Variants in SMARCA1 observed in about 807,000 individuals in gnomAD.
SMARCA1 encodes the protein SNF2 related chromatin remodeling ATPase 1.
In SMARCA1, 17 loss-of-function variants were observed where a neutral mutation model predicts 93.6. The observed-to-expected ratio is 0.18, with a 90% CI of 0.12 to 0.27. SMARCA1 has a LOEUF of 0.27. SMARCA1 is among the 10% of genes least tolerant of loss of function. The pLI, the probability that SMARCA1 is intolerant of heterozygous loss-of-function variation, is 1.00. For synonymous variants in SMARCA1, 271 were observed against 271.4 expected (o/e 1.00, Z 0.01); for missense variants, 630 against 819.0 (o/e 0.77, Z 2.82).
intron 19 of SMARCA1, among the ~76,000 whole-genome samples, chrX:129,471,893 C>G (rs775733721): frequency 3.6e-5 from 4 of 112,021 alleles, no homozygotes; most frequent in Non-Finnish European, 7.5e-5. Context: ...TAGTAGAGCA[C>G]ACAAATAGCT....
chrX:129,481,278 G>A, intron 17 of SMARCA1, 93 bp from the exon 18 acceptor site: 1 of 537,570 alleles, frequency 1.9e-6, no homozygotes, highest in Non-Finnish European at 3.1e-6. Flanking sequence ...ACATAAGGAA[G>A]CAAAAGCCAT....
chrX:129,490,378 A>T (rs1406334560), intron 14 of SMARCA1, among the ~76,000 whole-genome samples, 186 bp from the exon 15 acceptor site: 1 of 112,442 alleles, frequency 8.9e-6, no homozygotes, highest in East Asian at 2.8e-4. Flanking sequence ...CAAATATTAT[A>T]TTGTACCATT....
At chrX:129,484,179 G>T (rs1268920972) in intron 17 of SMARCA1, among the ~76,000 whole-genome samples, 1 of 112,064 alleles carries the variant, frequency 8.9e-6, no homozygotes, top group African/African-American at 3.2e-5. Context: ...TAAAAATGTG[G>T]ATAAGAAGCT....
At chrX:129,468,350 AG>A (rs1932983239) in intron 21 of SMARCA1, among the ~76,000 whole-genome samples, 1 of 111,938 alleles carries the variant, frequency 8.9e-6, no homozygotes, top group Admixed American at 9.5e-5. Context: ...TGGAACTCTG[AG>A]GGTGTTTGAG....
At chrX:129,507,833 T>G in intron 7 of SMARCA1, 108 bp downstream of exon 7, 1 of 517,244 alleles carries the variant, frequency 1.9e-6, no homozygotes, top group Non-Finnish European at 3.0e-6. Flanking sequence ...ATTACAGGCG[T>G]GAGCCACCAC....
At chrX:129,487,249 A>G in intron 16 of SMARCA1, 112 bp from the exon 17 acceptor site, 1 of 513,899 alleles carries the variant, frequency 1.9e-6, no homozygotes, top group Non-Finnish European at 3.1e-6. Context: ...CCAGTCTGCT[A>G]ATTTACAAGG....
At chrX:129,503,964 C>CAAAA (rs77290378) in intron 9 of SMARCA1, among the ~76,000 whole-genome samples, 2 of 60,205 alleles carry the variant, frequency 3.3e-5, no homozygotes, top group African/African-American at 1.2e-4. Context: ...GACTCTCTCT[C>CAAAA]AAAAAAAAAA....
rs1245207374 is a variant in SMARCA1 at position 129,497,333 on chromosome X, C to A, written c.1505-462G>T. Among the ~76,000 whole-genome samples, 5 of 111,274 alleles carry A rather than the reference C, an allele frequency of 4.5e-5. No homozygotes were observed. In the Admixed American group the frequency reaches 4.8e-4, roughly 11 times the overall value. ...ACAGCCAAGTCTTCTCTGACACTCC[C>A]TCTGCCTTCAAAATAAAAGTCCTAA... On this transcript the variant is annotated intron_variant, in intron 11 of 24. Transcript: ENST00000371121.
chrX:129,500,513 G>A (rs968688668), intron 9 of SMARCA1, among the ~76,000 whole-genome samples: 5 of 112,314 alleles, frequency 4.5e-5, no homozygotes, highest in African/African-American at 6.5e-5. Context: ...TCAGAATATC[G>A]ATCAGGGAGT....
intron 7 of SMARCA1, among the ~76,000 whole-genome samples, chrX:129,507,167 C>T (rs1450555024): frequency 9.0e-6 from 1 of 111,442 alleles, no homozygotes; most frequent in Non-Finnish European, 1.9e-5. Context: ...CTGTTTCTCC[C>T]AAATTAGCCC....
intron 23 of SMARCA1, among the ~76,000 whole-genome samples, chrX:129,453,579 T>C (rs753667377): frequency 8.9e-6 from 1 of 112,308 alleles, no homozygotes; most frequent in South Asian, 3.7e-4. Context: ...CTTAAGCTGA[T>C]AAGCAACTTC....
At position 129,488,969 on chromosome X, in the gene SMARCA1, T is replaced by C; in HGVS notation, c.2065A>G (p.Ile689Val). The change falls in exon 16 of 25, where the codon ATT (isoleucine) becomes GTT (valine). Residue 689 changes from isoleucine to valine, a missense_variant. Coordinates refer to ENST00000371121, the MANE Select transcript of SMARCA1 (RefSeq NM_001282874.2). ...SKESELTDEDITTILERGEKK... is the reference protein window; with the variant it reads ...SKESELTDEDVTTILERGEKK... Reference sequence around the variant, plus strand: ...TCCCCTCTTTCCAGAATAGTTGTAATGTCTTCATCTGTCAACTCACTCTCT... The same window carrying C: ...TCCCCTCTTTCCAGAATAGTTGTAACGTCTTCATCTGTCAACTCACTCTCT... 1 of 1,181,555 alleles carries C rather than the reference T, an allele frequency of 8.5e-7. No homozygotes were observed. The highest frequency in any genetic ancestry group is 1.1e-6 in the Non-Finnish European group (1 of 869,798).
chrX:129,486,608 C>A (rs1489828318), intron 17 of SMARCA1, among the ~76,000 whole-genome samples: 1 of 110,961 alleles, frequency 9.0e-6, no homozygotes, highest in Non-Finnish European at 1.9e-5. Flanking sequence ...TCATCAGAAT[C>A]CCTCTATGAT....
At chrX:129,511,722 G>T in intron 6 of SMARCA1, 82 bp downstream of exon 6, 1 of 779,816 alleles carries the variant, frequency 1.3e-6, no homozygotes, top group Non-Finnish European at 1.9e-6. Context: ...CAACTCAGAT[G>T]TTTTTAACAG....
At position 129,496,730 on chromosome X, in the gene SMARCA1, T is replaced by C. The variant is rs1273072871; in HGVS notation, c.1626+20A>G. The C allele has an allele frequency of 2.5e-6, 3 of 1,191,571 alleles. No homozygotes were observed. In the East Asian group the frequency reaches 8.9e-5, roughly 35 times the overall value. ...TTGAACTCTGATTTCTGAAATCTTA[T>C]TTTATTTTCTCTTCCTCACCTCTCT... On this transcript the variant is annotated intron_variant, in intron 12 of 24. Transcript: ENST00000371121.
chrX:129,502,552 G>A (rs1209487900), intron 9 of SMARCA1, among the ~76,000 whole-genome samples: 1 of 111,964 alleles, frequency 8.9e-6, no homozygotes, highest in Non-Finnish European at 1.9e-5. Context: ...AATTTCAGTT[G>A]TATGGAATGG....
At chrX:129,501,828 T>C (rs1934574272) in intron 9 of SMARCA1, among the ~76,000 whole-genome samples, 1 of 109,907 alleles carries the variant, frequency 9.1e-6, no homozygotes, top group African/African-American at 3.3e-5. Context: ...TTGGCCAGGA[T>C]GGTCTCAATC....
At chrX:129,499,600 C>A in intron 10 of SMARCA1, 132 bp downstream of exon 10, 1 of 356,675 alleles carries the variant, frequency 2.8e-6, no homozygotes, top group Non-Finnish European at 5.0e-6. Flanking sequence ...CTGAAAATAT[C>A]TGAACTACTT....
chrX:129,457,428 T>G (rs1602647805), intron 23 of SMARCA1, among the ~76,000 whole-genome samples: 1 of 111,900 alleles, frequency 8.9e-6, no homozygotes, highest in Admixed American at 9.5e-5. Flanking sequence ...ACTTAAAAAT[T>G]TTACTTAATT....
Sources: gnomAD v4.1 joint callset for allele counts (sites outside exome capture counted in the v4.1 genomes callset) on GRCh38, gnomAD v4.1.1 for gene constraint, MANE v1.5 for transcripts, NCBI Gene and HGNC (gene_info 2026-07-23, HGNC 2026-07-21) for gene names.